EIF2B3: variants seen among roughly 807,000 people sequenced by gnomAD.
EIF2B3 encodes the protein eukaryotic translation initiation factor 2B subunit gamma.
In EIF2B3, 20 loss-of-function variants were observed where a neutral mutation model predicts 54.1. The observed-to-expected ratio is 0.37, with a 90% CI of 0.26 to 0.54. EIF2B3 has a LOEUF of 0.54. EIF2B3 is among the 20% of genes least tolerant of loss of function. The pLI is 0.86. For synonymous variants in EIF2B3, 153 were observed against 188.1 expected, an observed-to-expected ratio of 0.81 and a Z score of 1.52; for missense variants, 448 against 547.8, an observed-to-expected ratio of 0.82 and a Z score of 1.82.
intron 5 of EIF2B3, among the ~76,000 whole-genome samples, chr1:44,916,397 A>T (rs1004973060): frequency 3.3e-5 from 5 of 150,474 alleles, no homozygotes; most frequent in Admixed American, 6.6e-5. Context: ...ATTTTTTTTT[A>T]TTTTTATTTT....
At chr1:44,977,161 C>T (rs1363777851) in intron 3 of EIF2B3, among the ~76,000 whole-genome samples, 4 of 152,130 alleles carry the variant, frequency 2.6e-5, no homozygotes, top group African/African-American at 7.2e-5. Context: ...AACATCACAA[C>T]GATTGAATTT....
chr1:44,968,988 G>A (rs904946414), intron 3 of EIF2B3, among the ~76,000 whole-genome samples: 9 of 151,944 alleles, frequency 5.9e-5, no homozygotes, highest in South Asian at 2.1e-4. Context: ...GAAACATAAC[G>A]GTGGCAGATT....
intron 11 of EIF2B3, 46 bp from the exon 12 acceptor site, chr1:44,851,049 T>C: frequency 6.3e-7 from 1 of 1,598,844 alleles, no homozygotes; most frequent in South Asian, 1.1e-5. Flanking sequence ...GGCAGCAAGA[T>C]GACATTTCAA....
At chr1:44,890,451 T>A (rs1053654963) in intron 6 of EIF2B3, among the ~76,000 whole-genome samples, 1 of 152,154 alleles carries the variant, frequency 6.6e-6, no homozygotes, top group Non-Finnish European at 1.5e-5. Context: ...TAAAATATTT[T>A]GAAAAAAATA....
At chr1:44,872,634 A>G (rs1027571883) in intron 10 of EIF2B3, among the ~76,000 whole-genome samples, 2 of 152,036 alleles carry the variant, frequency 1.3e-5, no homozygotes, top group African/African-American at 2.4e-5. Context: ...TGGGCAACAG[A>G]GGGAAACCCT....
At chr1:44,892,994 A>G (rs1208979090) in intron 6 of EIF2B3, among the ~76,000 whole-genome samples, 2 of 152,210 alleles carry the variant, frequency 1.3e-5, no homozygotes, top group Non-Finnish European at 2.9e-5. Flanking sequence ...ATCTCTGCTT[A>G]TCTCCACTCT....
At chr1:44,855,981 G>C (rs1654418927) in intron 11 of EIF2B3, among the ~76,000 whole-genome samples, 1 of 152,102 alleles carries the variant, frequency 6.6e-6, no homozygotes, top group South Asian at 2.1e-4. Context: ...TTCTGCTATG[G>C]GGAGTCATGG....
At chr1:44,916,946 A>G (rs1359296425) in intron 5 of EIF2B3, among the ~76,000 whole-genome samples, 1 of 151,680 alleles carries the variant, frequency 6.6e-6, no homozygotes, top group African/African-American at 2.4e-5. Flanking sequence ...TTTTCTGGTT[A>G]TCTATCAATC....
rs139466524 is a variant in EIF2B3 at position 44,937,975 on chromosome 1, G to A, written c.454+3531C>T. 7.1e-3 allele frequency among the ~76,000 whole-genome samples: 749 copies of A among 105,254 alleles called. 10 individuals carry two copies. The highest frequency in any genetic ancestry group is 0.031 in the African/African-American group (718 of 23,184). The allele number at this position is 105,254 out of a possible 152,430, so 69.1% of individuals were successfully genotyped here. ...AAAGTCTAAACATGAATTTGATCCT[G>A]CCCTCTTAGTATCAGTATCTCCTAT... On this transcript the variant is annotated intron_variant, in intron 4 of 11. Coordinates refer to ENST00000360403, the MANE Select transcript of EIF2B3 (RefSeq NM_020365.5).
Position 44,881,250 on chromosome 1 carries a change from T to C in EIF2B3, c.784+362A>G, listed in dbSNP as rs1388391372. ...CATTCCTTCACTTTCCTTCCCTTGATAAAAGAGGTTGAGTTTAATCAGGAA... is the reference window on the plus strand; with the variant it reads ...CATTCCTTCACTTTCCTTCCCTTGACAAAAGAGGTTGAGTTTAATCAGGAA... On this transcript the variant is annotated intron_variant, in intron 7 of 11. Transcript: ENST00000360403. This position sits in a 1 kb window ranked among gnomAD's most constrained non-coding sequence, Gnocchi z 4.0. 2.0e-5 allele frequency among the ~76,000 whole-genome samples: 3 copies of C among 152,118 alleles called. No individual in the cohort carries two copies. Among genetic ancestry groups the C allele is most frequent in the African/African-American group, 7.2e-5 (3 of 41,422 alleles).
chr1:44,852,819 G>A (rs1417836850), intron 11 of EIF2B3, among the ~76,000 whole-genome samples: 1 of 151,466 alleles, frequency 6.6e-6, no homozygotes, highest in African/African-American at 2.4e-5. Flanking sequence ...ATTGAGAGGA[G>A]AGATGGAACA....
intron 4 of EIF2B3, among the ~76,000 whole-genome samples, chr1:44,933,210 G>A (rs1643912488): frequency 6.6e-6 from 1 of 151,854 alleles, no homozygotes; most frequent in African/African-American, 2.4e-5. Flanking sequence ...AACAAAAGGA[G>A]GAAAGAGAAA....
At chr1:44,983,963 C>A (rs1644541783) in intron 1 of EIF2B3, among the ~76,000 whole-genome samples, 1 of 152,002 alleles carries the variant, frequency 6.6e-6, no homozygotes, top group Non-Finnish European at 1.5e-5. Context: ...CTGCCTTGGC[C>A]TCCTAAAGTG....
intron 8 of EIF2B3, among the ~76,000 whole-genome samples, chr1:44,876,604 C>G (rs1474289277): frequency 1.6e-5 from 1 of 62,002 alleles, no homozygotes; most frequent in South Asian, 5.9e-4. Flanking sequence ...GCCAGCCGCC[C>G]CATCCGGGAG....
At chr1:44,870,795 G>A (rs989822677) in intron 10 of EIF2B3, among the ~76,000 whole-genome samples, 1 of 151,986 alleles carries the variant, frequency 6.6e-6, no homozygotes, top group Non-Finnish European at 1.5e-5. Flanking sequence ...TGGTATTACA[G>A]GTGTGTGCCA....
At chr1:44,865,771 G>C (rs1654757378) in intron 10 of EIF2B3, among the ~76,000 whole-genome samples, 1 of 151,900 alleles carries the variant, frequency 6.6e-6, no homozygotes, top group Admixed American at 6.6e-5. Context: ...GTTTCTCCAT[G>C]TTGGTCAGGC....
At chr1:44,979,838 C>T (rs562964036) in intron 2 of EIF2B3, among the ~76,000 whole-genome samples, 69 of 152,044 alleles carry the variant, frequency 4.5e-4, no homozygotes, top group Middle Eastern at 3.4e-3. Flanking sequence ...TGGTGGTACA[C>T]GCCTGTAGTC....
chr1:44,856,461 G>C (rs1471063624), intron 11 of EIF2B3, among the ~76,000 whole-genome samples: 1 of 149,896 alleles, frequency 6.7e-6, no homozygotes. Flanking sequence ...GCTGCAGTGA[G>C]CTGAGATAGC....
At chr1:44,946,870 CAGAG>C (rs1261449355) in intron 3 of EIF2B3, among the ~76,000 whole-genome samples, 4 of 151,890 alleles carry the variant, frequency 2.6e-5, no homozygotes, top group Admixed American at 2.6e-4. Flanking sequence ...AACTGGAGCC[CAGAG>C]AGAGAAAGTA....
Sources: gnomAD v4.1 joint callset for allele counts (sites outside exome capture counted in the v4.1 genomes callset) on GRCh38, gnomAD v4.1.1 for gene constraint, Gnocchi (gnomAD v3.1) non-coding constraint, MANE v1.5 for transcripts, NCBI Gene and HGNC (gene_info 2026-07-23, HGNC 2026-07-21) for gene names.